MYCBP2: variants seen among roughly 807,000 people sequenced by gnomAD.
The protein encoded by MYCBP2 is MYC binding protein 2, also known as E3 ubiquitin-protein ligase MYCBP2.
MYCBP2 carries 120 observed loss-of-function variants against 525.3 expected under a neutral mutation model. That is an observed-to-expected ratio of 0.23 (90% CI 0.20 to 0.27). MYCBP2 has a LOEUF of 0.27. Ranked by LOEUF, MYCBP2 falls within the 10% of genes least tolerant of loss-of-function variation. MYCBP2 has a pLI of 1.00. For missense variants in MYCBP2, 4,149 were observed against 5,657.1 expected (o/e 0.73, Z 8.55); for synonymous variants, 1,894 against 1,955.8 (o/e 0.97, Z 0.83).
chr13:77,320,698 T>A (rs1185659933), intron 1 of MYCBP2, among the ~76,000 whole-genome samples: 1 of 152,212 alleles, frequency 6.6e-6, no homozygotes, highest in African/African-American at 2.4e-5. Context: ...AGATTTAACA[T>A]ATTAAATAGT....
intron 55 of MYCBP2, among the ~76,000 whole-genome samples, chr13:77,111,168 T>A (rs2048755235): frequency 6.6e-6 from 1 of 152,156 alleles, no homozygotes; most frequent in Non-Finnish European, 1.5e-5. Context: ...TAATATTTTT[T>A]AATAAAATGT....
chr13:77,060,195 T>C (rs1301079437), intron 76 of MYCBP2, among the ~76,000 whole-genome samples: 1 of 152,148 alleles, frequency 6.6e-6, no homozygotes, highest in Non-Finnish European at 1.5e-5. Context: ...ACGTGAAGAT[T>C]TGAAAATTAC....
In MYCBP2 at chr13:77,171,486, T is replaced by C; in HGVS notation, c.5794+6A>G. On this transcript the variant is annotated splice_donor_region_variant and intron_variant, in intron 38 of 82. Transcript: ENST00000544440. ...AATATGACTACTGAGAAAGAAAAAA[T>C]ATTACCATCCACAGCAAGAGCTCTG... The C allele has an allele frequency of 6.2e-7, 1 of 1,604,836 alleles. No individual in the cohort carries two copies. Among genetic ancestry groups the C allele is most frequent in the Non-Finnish European group, 8.5e-7 (1 of 1,176,070 alleles).
chr13:77,140,027 A>G lies in MYCBP2; in HGVS notation c.7518+20T>C. On this transcript the variant is annotated intron_variant, in intron 51 of 82. Coordinates refer to ENST00000544440, the MANE Select transcript of MYCBP2 (RefSeq NM_015057.5). ...ACTTTCTGTCCAAAATTTACTACCA[A>G]AAGCTCCTTTATCAATTACCTCATC... is the stretch of plus-strand genomic sequence containing the variant. 6.5e-7 allele frequency: 1 copy of G among 1,537,864 alleles called. No homozygotes were observed. The highest frequency in any genetic ancestry group is 8.9e-7 in the Non-Finnish European group (1 of 1,127,168).
At chr13:77,233,770 C>T (rs1010325610) in intron 17 of MYCBP2, among the ~76,000 whole-genome samples, 34 of 151,652 alleles carry the variant, frequency 2.2e-4, no homozygotes, top group African/African-American at 8.2e-4. Context: ...ACCGAGTTTA[C>T]TACAAATCAT....
rs534865795 is a variant in MYCBP2, at chr13:77,222,945, A to G, written c.2939+1506T>C. Among the ~76,000 whole-genome samples, 2 of 152,320 alleles carry G rather than the reference A, an allele frequency of 1.3e-5. 1 individual carries two copies. The highest frequency in any genetic ancestry group is 3.9e-4 in the East Asian group (2 of 5,178). ...TTCTGGCATATACACTGTGACTGCG[A>G]GGAAGAATAAGGCAGAGTAGAAGGT... On this transcript the variant is annotated intron_variant, in intron 20 of 82. Transcript: ENST00000544440.
At chr13:77,194,076 G>T in intron 27 of MYCBP2, 77 bp downstream of exon 27, 1 of 873,490 alleles carries the variant, frequency 1.1e-6, no homozygotes, top group Non-Finnish European at 1.7e-6. Flanking sequence ...TCCTTTTAAA[G>T]TATGTTTATT....
At chr13:77,273,180 A>G (rs2075107632) in intron 5 of MYCBP2, among the ~76,000 whole-genome samples, 2 of 152,328 alleles carry the variant, frequency 1.3e-5, no homozygotes, top group African/African-American at 4.8e-5. Context: ...GGAAGAAGGG[A>G]GAACGCAGAC....
At chr13:77,089,086 GATA>G (rs2044881643) in intron 60 of MYCBP2, 55 bp from the exon 61 acceptor site, 3 of 1,246,294 alleles carry the variant, frequency 2.4e-6, no homozygotes, top group South Asian at 1.5e-5. Flanking sequence ...ATATATTTAA[GATA>G]ATAATATCTA....
At chr13:77,104,500 G>A (rs2047562777) in intron 55 of MYCBP2, among the ~76,000 whole-genome samples, 1 of 152,068 alleles carries the variant, frequency 6.6e-6, no homozygotes, top group Admixed American at 6.6e-5. Context: ...GCCTACAGAT[G>A]TGTCATTCTC....
chr13:77,274,187 G>A (rs2075239048), intron 4 of MYCBP2, among the ~76,000 whole-genome samples: 1 of 152,154 alleles, frequency 6.6e-6, no homozygotes, highest in South Asian at 2.1e-4. Context: ...CAAGTCAATA[G>A]GACAGATATT....
At chr13:77,321,573 T>G (rs2154382878) in intron 1 of MYCBP2, among the ~76,000 whole-genome samples, 1 of 152,342 alleles carries the variant, frequency 6.6e-6, no homozygotes, top group Non-Finnish European at 1.5e-5. Flanking sequence ...AGCCAAAGCC[T>G]CCATTTCCAG....
chr13:77,123,042 C>T (rs1355383684), intron 54 of MYCBP2, among the ~76,000 whole-genome samples: 1 of 152,194 alleles, frequency 6.6e-6, no homozygotes, highest in Non-Finnish European at 1.5e-5. Flanking sequence ...ACTTTGCCTA[C>T]TACAGATTTC....
chr13:77,190,224 A>G, intron 29 of MYCBP2, 28 bp downstream of exon 29: 1 of 1,412,574 alleles, frequency 7.1e-7, no homozygotes, highest in South Asian at 1.2e-5. Flanking sequence ...AATAAACCAT[A>G]CTAATTCAGT....
chr13:77,168,923 T>C (rs1244646836), intron 39 of MYCBP2, among the ~76,000 whole-genome samples: 8 of 152,232 alleles, frequency 5.3e-5, no homozygotes, highest in Non-Finnish European at 2.9e-5. Context: ...CAATAGTTTA[T>C]CATTTCTTCC....
At chr13:77,145,656 T>A (rs1190214191) in intron 48 of MYCBP2, among the ~76,000 whole-genome samples, 1 of 152,132 alleles carries the variant, frequency 6.6e-6, no homozygotes, top group Non-Finnish European at 1.5e-5. Flanking sequence ...TCTAATTATT[T>A]TTTCCAAGTT....
intron 68 of MYCBP2, 91 bp from the exon 69 acceptor site, chr13:77,070,802 A>G: frequency 1.4e-6 from 1 of 737,696 alleles, no homozygotes; most frequent in Middle Eastern, 3.7e-4. Flanking sequence ...AACTTGAGAA[A>G]TAATTTTGTG....
chr13:77,071,252 C>T (rs375406262), intron 68 of MYCBP2, among the ~76,000 whole-genome samples: 1 of 115,978 alleles, frequency 8.6e-6, no homozygotes, highest in Non-Finnish European at 1.8e-5. Flanking sequence ...TATATATATG[C>T]ATGCACGTGT....
Position 77,167,016 on chromosome 13 carries a change from CACACACACA to C in MYCBP2, c.6115-471_6115-463del, listed in dbSNP as rs1566781200. Among the ~76,000 whole-genome samples, 480 of 141,014 alleles carry C rather than the reference CACACACACA, an allele frequency of 3.4e-3. 9 individuals carry two copies. The highest frequency in any genetic ancestry group is 0.012 in the African/African-American group (399 of 33,394). The allele number at this position is 141,014 out of a possible 152,430, so 92.5% of individuals were successfully genotyped here. A position where few individuals can be genotyped will look rare whatever the true frequency, so the allele number is the denominator to read the frequency against. On this transcript the variant is annotated intron_variant, in intron 40 of 82. Coordinates refer to ENST00000544440, the MANE Select transcript of MYCBP2 (RefSeq NM_015057.5). ...ACACACACACACACACACACACACACACACACACACCAAATGAAATAATTTAATGATTTT... is the reference window on the plus strand; with the variant it reads ...ACACACACACACACACACACACACACCCAAATGAAATAATTTAATGATTTT...
Sources: gnomAD v4.1 joint callset for allele counts (sites outside exome capture counted in the v4.1 genomes callset) on GRCh38, gnomAD v4.1.1 for gene constraint, MANE v1.5 for transcripts, NCBI Gene and HGNC (gene_info 2026-07-23, HGNC 2026-07-21) for gene names.